Variants in ATXN10 observed in about 807,000 individuals in gnomAD.
ATXN10 encodes the protein ataxin 10.
Under a neutral mutation model 52.9 loss-of-function variants are expected in ATXN10, and 28 were observed. The ratio of observed to expected loss-of-function variants is 0.53; its 90% CI spans 0.39 to 0.73. The LOEUF (loss-of-function observed/expected upper bound fraction) is 0.73, where lower values mean the gene tolerates loss of function less well. Among genes scored for constraint, ATXN10 ranks in the 30% least tolerant of loss-of-function variants. The pLI is 0.00. For missense variants in ATXN10, 565 were observed against 577.0 expected (o/e 0.98, Z 0.21); for synonymous variants, 226 against 221.5 (o/e 1.02, Z -0.18).
intron 3 of ATXN10, among the ~76,000 whole-genome samples, chr22:45,693,957 CTT>C (rs1014115375): frequency 1.3e-5 from 2 of 152,156 alleles, no homozygotes; most frequent in African/African-American, 4.8e-5. Context: ...TGTGGTAAGA[CTT>C]TTAATATTTA....
intron 6 of ATXN10, 72 bp from the exon 7 acceptor site, chr22:45,729,353 T>C: frequency 6.7e-7 from 1 of 1,498,812 alleles, no homozygotes; most frequent in Non-Finnish European, 9.3e-7. Context: ...TTAAAGTTGC[T>C]TTCCTAGGTA....
chr22:45,721,100 C>T (rs573844445), intron 6 of ATXN10, among the ~76,000 whole-genome samples: 2 of 152,198 alleles, frequency 1.3e-5, no homozygotes, highest in South Asian at 4.2e-4. Context: ...GACTTCTTCA[C>T]CCAGAGGCTG....
At chr22:45,716,137 T>A (rs564196080) in intron 5 of ATXN10, among the ~76,000 whole-genome samples, 7 of 152,172 alleles carry the variant, frequency 4.6e-5, no homozygotes, top group South Asian at 4.2e-4. Flanking sequence ...TGGTGGCACA[T>A]GCGTGTAGTT....
intron 5 of ATXN10, among the ~76,000 whole-genome samples, chr22:45,711,169 A>T (rs545491506): frequency 1.5e-4 from 23 of 152,144 alleles, no homozygotes; most frequent in Non-Finnish European, 2.8e-4. Context: ...AATCAAACTA[A>T]AATACTATTC....
Position 45,819,725 on chromosome 22 carries a change from T to C in ATXN10, c.1237+12703T>C, listed in dbSNP as rs1484009527. On this transcript the variant is annotated intron_variant, in intron 10 of 11. Coordinates refer to ENST00000252934, the MANE Select transcript of ATXN10 (RefSeq NM_013236.4). The surrounding 1 kb of genome is among the most constrained non-coding windows in gnomAD (Gnocchi z 4.5). ...TACATTATTATTATCATTTAATGTA[T>C]GTATTTTCTTATGAAGTTAATTATT... 6.6e-6 allele frequency among the ~76,000 whole-genome samples: 1 copy of C among 152,248 alleles called. No individual in the cohort carries two copies. Among genetic ancestry groups the C allele is most frequent in the East Asian group, 1.9e-4 (1 of 5,206 alleles).
At chr22:45,792,601 C>T (rs1193536304) in intron 9 of ATXN10, 1 of 211,374 alleles carries the variant, frequency 4.7e-6, no homozygotes, top group Non-Finnish European at 1.0e-5. Flanking sequence ...GGATGGTGCT[C>T]TCCTTGGCTC....
Position 45,684,897 on chromosome 22 carries a change from A to G in ATXN10, c.117-4815A>G, listed in dbSNP as rs1923074980. Among the ~76,000 whole-genome samples the G allele has an allele frequency of 1.3e-5, 2 of 152,356 alleles. No individual in the cohort carries two copies. Among genetic ancestry groups the G allele is most frequent in the Non-Finnish European group, 2.9e-5 (2 of 68,024 alleles). Reference sequence around the variant, plus strand: ...AATCCTGCCCAGTCAAATCAGCAAGATTATGGTTTTAGATAACAACCAGTG... The same window carrying G: ...AATCCTGCCCAGTCAAATCAGCAAGGTTATGGTTTTAGATAACAACCAGTG... On this transcript the variant is annotated intron_variant, in intron 1 of 11. Coordinates refer to ENST00000252934, the MANE Select transcript of ATXN10 (RefSeq NM_013236.4). The surrounding 1 kb of genome is among the most constrained non-coding windows in gnomAD (Gnocchi z 4.1).
intron 9 of ATXN10, among the ~76,000 whole-genome samples, chr22:45,755,609 C>T (rs1376057199): frequency 6.6e-6 from 1 of 152,116 alleles, no homozygotes; most frequent in South Asian, 2.1e-4. Flanking sequence ...TTGGAAGTAC[C>T]CCTGTGTCTT....
intron 1 of ATXN10, among the ~76,000 whole-genome samples, chr22:45,687,416 AG>A (rs1923188390): frequency 6.6e-6 from 1 of 152,206 alleles, no homozygotes; most frequent in Non-Finnish European, 1.5e-5. Flanking sequence ...CACGGGGGAA[AG>A]GTGGTTCCCA....
Position 45,735,445 on chromosome 22 carries a change from A to G in ATXN10, c.895-3286A>G, listed in dbSNP as rs972937121. Among the ~76,000 whole-genome samples, 7 of 151,966 alleles carry G rather than the reference A, an allele frequency of 4.6e-5. No homozygotes were observed. In the East Asian group the frequency reaches 1.4e-3, roughly 29 times the overall value. The stretch of plus-strand genomic sequence containing the variant: ...ATCCTAAATTCTTTTATTTATTTGG[A>G]TCAATTACTGGTTCCCTCCAAACAA... On this transcript the variant is annotated intron_variant, in intron 7 of 11. Coordinates refer to ENST00000252934, the MANE Select transcript of ATXN10 (RefSeq NM_013236.4).
intron 10 of ATXN10, among the ~76,000 whole-genome samples, chr22:45,827,608 A>G (rs992776996): frequency 6.6e-6 from 1 of 152,256 alleles, no homozygotes; most frequent in Non-Finnish European, 1.5e-5. Flanking sequence ...CAACAGATAT[A>G]AACATTTGCA....
intron 9 of ATXN10, among the ~76,000 whole-genome samples, chr22:45,767,195 G>A (rs918631914): frequency 7.2e-5 from 11 of 152,078 alleles, no homozygotes. Context: ...AAACAAACCA[G>A]GTGTCCATCA....
In ATXN10 at chr22:45,833,496, C is replaced by G. The variant is rs900916939; in HGVS notation, c.1238-9495C>G. Among the ~76,000 whole-genome samples, 1 of 152,194 alleles carries G rather than the reference C, an allele frequency of 6.6e-6. No homozygotes were observed. The highest frequency in any genetic ancestry group is 2.4e-5 in the African/African-American group (1 of 41,432). ...TTCTAACTTAGAACTATTTTTGATCCTTGGCTGTACTTCATTAATTTTGAA... is the reference window on the plus strand; with the variant it reads ...TTCTAACTTAGAACTATTTTTGATCGTTGGCTGTACTTCATTAATTTTGAA... On this transcript the variant is annotated intron_variant, in intron 10 of 11. Coordinates refer to ENST00000252934, the MANE Select transcript of ATXN10 (RefSeq NM_013236.4). This position sits in a 1 kb window ranked among gnomAD's most constrained non-coding sequence, Gnocchi z 4.3.
intron 9 of ATXN10, among the ~76,000 whole-genome samples, chr22:45,782,205 C>T (rs780130298): frequency 1.3e-5 from 2 of 152,172 alleles, no homozygotes; most frequent in African/African-American, 4.8e-5. Flanking sequence ...CTTCATGACT[C>T]GGGCCTATTG....
chr22:45,716,225 A>G (rs867496353), intron 5 of ATXN10, among the ~76,000 whole-genome samples: 3 of 152,212 alleles, frequency 2.0e-5, no homozygotes, highest in African/African-American at 4.8e-5. Flanking sequence ...TGATCGCACA[A>G]CTGCACTCCA....
rs1296770412 is a variant in ATXN10 at position 45,672,076 on chromosome 22, A to G, written c.13A>G (p.Arg5Gly). The stretch of plus-strand genomic sequence containing the variant: ...TGTGAGCGGCAAGATGGCGGCGCCC[A>G]GGCCGCCGCCTGCCAGGCTGTCGGG... MAAP[R>G]PPPARLSGVM... The change falls in exon 1 of 12, where the codon AGG becomes GGG. Residue 5 changes from arginine to glycine, a missense_variant. Coordinates refer to ENST00000252934, the MANE Select transcript of ATXN10 (RefSeq NM_013236.4). 4 of 1,537,166 alleles carry G rather than the reference A, an allele frequency of 2.6e-6. No homozygotes were observed. Among genetic ancestry groups the G allele is most frequent in the African/African-American group, 2.7e-5 (2 of 72,852 alleles).
At chr22:45,734,196 AT>A (rs1925198546) in intron 7 of ATXN10, among the ~76,000 whole-genome samples, 1 of 152,186 alleles carries the variant, frequency 6.6e-6, no homozygotes, top group South Asian at 2.1e-4. Flanking sequence ...TTGAAGAATT[AT>A]GTGTATTTAA....
intron 1 of ATXN10, chr22:45,679,083 A>C (rs980240195): frequency 6.6e-6 from 1 of 152,170 alleles, no homozygotes; most frequent in Non-Finnish European, 1.5e-5. Context: ...TCTGACCTTC[A>C]GGTGCTTTTG....
chr22:45,732,083 A>G lies in ATXN10; in HGVS notation c.894+2493A>G, dbSNP rs1925109078. On this transcript the variant is annotated intron_variant, in intron 7 of 11. Transcript: ENST00000252934. This position sits in a 1 kb window ranked among gnomAD's most constrained non-coding sequence, Gnocchi z 4.5. ...TGAGAAATTCCTGGTGTAACTTTTC[A>G]TATTTAGGAAAACTTCTATTTTTCC... is the stretch of plus-strand genomic sequence containing the variant. 4.6e-5 allele frequency among the ~76,000 whole-genome samples: 7 copies of G among 152,190 alleles called. No individual in the cohort carries two copies. The highest frequency in any genetic ancestry group is 4.6e-4 in the Admixed American group (7 of 15,278).
Sources: allele counts gnomAD v4.1 joint callset (sites outside exome capture counted in the v4.1 genomes callset), GRCh38; gene constraint gnomAD v4.1.1; non-coding constraint Gnocchi (gnomAD v3.1); transcripts MANE v1.5; gene names NCBI Gene and HGNC (gene_info 2026-07-23, HGNC 2026-07-21).